Variants in KCNN2 observed in about 807,000 individuals in gnomAD.
KCNN2 encodes small conductance calcium-activated potassium channel protein 2.
KCNN2 carries 24 observed loss-of-function variants against 55.5 expected under a neutral mutation model. That is an observed-to-expected ratio of 0.43 (90% confidence interval 0.31 to 0.61). The LOEUF is 0.61. Ranked by LOEUF, KCNN2 falls within the 20% of genes least tolerant of loss-of-function variation. KCNN2 has a pLI of 0.08. For missense variants in KCNN2, 754 were observed against 853.6 expected (o/e 0.88, Z 1.45); for synonymous variants, 431 against 336.1 (o/e 1.28, Z -3.09).
At chr5:114,301,173 C>T (rs13190573) in intron 2 of KCNN2, among the ~76,000 whole-genome samples, 50,050 of 151,686 alleles carry the variant, frequency 0.33, 8,502 homozygotes, top group African/African-American at 0.4. Context: ...GTGATTCTTG[C>T]TGATTCCTAA....
chr5:114,244,773 G>T (rs932829994), intron 2 of KCNN2, among the ~76,000 whole-genome samples: 2 of 152,118 alleles, frequency 1.3e-5, no homozygotes, highest in Admixed American at 6.5e-5. Flanking sequence ...GTCAATTAAC[G>T]GTGGTATCTG....
intron 2 of KCNN2, among the ~76,000 whole-genome samples, chr5:114,374,044 G>A (rs574368995): frequency 4.5e-4 from 68 of 152,026 alleles, no homozygotes; most frequent in Non-Finnish European, 7.8e-4. Context: ...TGTCTGTTAG[G>A]TTTTGGATCT....
intron 2 of KCNN2, among the ~76,000 whole-genome samples, chr5:114,326,347 G>A (rs1000438516): frequency 2.6e-5 from 4 of 152,176 alleles, no homozygotes; most frequent in Admixed American, 1.3e-4. Flanking sequence ...TGGGAGGTGC[G>A]ATCTGAGGGC....
intron 2 of KCNN2, among the ~76,000 whole-genome samples, chr5:114,278,622 A>C (rs62382898): frequency 0.1 from 15,187 of 152,248 alleles, 955 homozygotes; most frequent in Middle Eastern, 0.21. Context: ...GGTCCATCTC[A>C]GACTTCTGCA....
chr5:114,461,015 G>A (rs1167914131), intron 3 of KCNN2, among the ~76,000 whole-genome samples: 1 of 152,138 alleles, frequency 6.6e-6, no homozygotes, highest in Non-Finnish European at 1.5e-5. Flanking sequence ...TTACTAGAGA[G>A]CCCCAATATT....
At chr5:114,080,155 A>G (rs1385025753) in intron 1 of KCNN2, among the ~76,000 whole-genome samples, 1 of 152,206 alleles carries the variant, frequency 6.6e-6, no homozygotes, top group African/African-American at 2.4e-5. Context: ...TCTTCTTCAC[A>G]GTGCCAGACT....
chr5:114,485,366 A>G (rs1004226445), intron 5 of KCNN2, among the ~76,000 whole-genome samples: 2 of 152,118 alleles, frequency 1.3e-5, no homozygotes, highest in African/African-American at 4.8e-5. Context: ...CCTCACAGGG[A>G]AAGGCTATTC....
intron 1 of KCNN2, among the ~76,000 whole-genome samples, chr5:114,167,517 G>A (rs1262304280): frequency 6.6e-6 from 1 of 151,746 alleles, no homozygotes; most frequent in Non-Finnish European, 1.5e-5. Context: ...TCTTCTTTTT[G>A]TCTGATATTT....
chr5:114,355,095 A>T (rs1034685215), intron 2 of KCNN2, among the ~76,000 whole-genome samples: 13 of 152,192 alleles, frequency 8.5e-5, no homozygotes, highest in Non-Finnish European at 2.9e-5. Flanking sequence ...TTGTATGAGT[A>T]GGCACCAACT....
At chr5:114,439,920 T>A (rs1760146647) in intron 3 of KCNN2, among the ~76,000 whole-genome samples, 1 of 152,140 alleles carries the variant, frequency 6.6e-6, no homozygotes, top group Admixed American at 6.6e-5. Flanking sequence ...CTATGACAAG[T>A]TCAGAAATCA....
At chr5:114,338,597 C>G (rs183612795) in intron 2 of KCNN2, among the ~76,000 whole-genome samples, 95 of 152,292 alleles carry the variant, frequency 6.2e-4, no homozygotes, top group Non-Finnish European at 1.1e-3. Flanking sequence ...GTAGCTCTTC[C>G]TATTATTCTA....
At chr5:114,397,083 C>T (rs1333819897) in intron 2 of KCNN2, among the ~76,000 whole-genome samples, 3 of 152,180 alleles carry the variant, frequency 2.0e-5, no homozygotes, top group African/African-American at 7.2e-5. Context: ...TGCAGTATTC[C>T]ATAGTGTACA....
intron 2 of KCNN2, among the ~76,000 whole-genome samples, chr5:114,395,256 A>G (rs1758580659): frequency 6.6e-6 from 1 of 152,180 alleles, no homozygotes. Flanking sequence ...AGTGCTAACT[A>G]ATCTATGATG....
chr5:114,299,321 G>A (rs1404758463), intron 2 of KCNN2, among the ~76,000 whole-genome samples: 5 of 152,108 alleles, frequency 3.3e-5, no homozygotes, highest in African/African-American at 1.2e-4. Flanking sequence ...TTGGCTCAGA[G>A]AATGCCATAC....
chr5:114,358,988 T>G (rs1027221417), upstream of KCNN2, among the ~76,000 whole-genome samples: 1 of 152,168 alleles, frequency 6.6e-6, no homozygotes, highest in African/African-American at 2.4e-5. Context: ...AGACTAAAAA[T>G]GAAACAAAAT....
intron 1 of KCNN2, among the ~76,000 whole-genome samples, chr5:114,059,800 G>A (rs974668733): frequency 6.6e-6 from 1 of 152,220 alleles, no homozygotes; most frequent in African/African-American, 2.4e-5. Context: ...GGTCAAACAA[G>A]GAAGAGGAAA....
chr5:114,390,669 A>C (rs536616226), intron 2 of KCNN2, among the ~76,000 whole-genome samples: 1 of 152,268 alleles, frequency 6.6e-6, no homozygotes, highest in South Asian at 2.1e-4. Flanking sequence ...AATCAACCCT[A>C]GATCTGCTTG....
At chr5:114,328,846 C>A (rs889490414) in intron 2 of KCNN2, among the ~76,000 whole-genome samples, 1 of 152,204 alleles carries the variant, frequency 6.6e-6, no homozygotes, top group Non-Finnish European at 1.5e-5. Context: ...GCTCTTCACA[C>A]TGCTGGCCCT....
In KCNN2 at chr5:114,362,471, C is replaced by CCTGCTG. The variant is rs567706065; in HGVS notation, c.347_352dup (p.Cys116_Cys117dup). On this transcript the variant is annotated inframe_insertion, in exon 1 of 8. Transcript: ENST00000673685. The stretch of plus-strand genomic sequence containing the variant: ...ACCTCCTCGCCGCTGTCGGGCTCGT[C>CCTGCTG]CTGCTGCTGCTGCTGCTGCTCGTCG... 18 of 444,238 alleles carry CCTGCTG rather than the reference C, an allele frequency of 4.1e-5. No homozygotes were observed. The highest frequency in any genetic ancestry group is 1.6e-4 in the East Asian group (4 of 25,512). The allele number at this position is 444,238 out of a possible 1,614,324, so 27.5% of individuals were successfully genotyped here.
Sources: gnomAD v4.1 joint callset for allele counts (sites outside exome capture counted in the v4.1 genomes callset) on GRCh38, gnomAD v4.1.1 for gene constraint, MANE v1.5 for transcripts, NCBI Gene and HGNC (gene_info 2026-07-23, HGNC 2026-07-21) for gene names.